PEAK1: variants seen among roughly 807,000 people sequenced by gnomAD.
PEAK1 encodes pseudopodium enriched atypical kinase 1, also known as inactive tyrosine-protein kinase PEAK1.
Under a neutral mutation model 124.7 loss-of-function variants are expected in PEAK1, and 54 were observed. That is an observed-to-expected ratio of 0.43 (90% CI 0.35 to 0.54). PEAK1 has a LOEUF of 0.54. PEAK1 is among the 20% of genes least tolerant of loss of function. The probability of loss-of-function intolerance (pLI) is 0.01; values close to 1 mark genes in which losing one functional copy is unlikely to be tolerated. For synonymous variants in PEAK1, 719 were observed against 760.0 expected, an observed-to-expected ratio of 0.95 and a Z score of 0.89; for missense variants, 2,046 against 2,134.5, an observed-to-expected ratio of 0.96 and a Z score of 0.82.
intron 2 of PEAK1, among the ~76,000 whole-genome samples, chr15:77,294,481 G>C (rs2063383780): frequency 6.6e-6 from 1 of 152,138 alleles, no homozygotes. Context: ...CTGAATTTTT[G>C]TCTAGGCAAA....
rs1217229996 is a variant in PEAK1 at position 77,109,330 on chromosome 15, ATCATCT to A, written c.*4820_*4825del. On this transcript the variant is annotated 3_prime_UTR_variant, in exon 10 of 10. Coordinates refer to ENST00000682557, the MANE Select transcript of PEAK1 (RefSeq NM_001385026.1). ...GGCTTTCTTCATCTTCATCATCATCATCATCTTCTAATATACAAAATGGACTTCTTT... is the reference window on the plus strand; with the variant it reads ...GGCTTTCTTCATCTTCATCATCATCATCTAATATACAAAATGGACTTCTTT... 1.3e-5 allele frequency: 2 copies of A among 152,200 alleles called. No homozygotes were observed. Among genetic ancestry groups the A allele is most frequent in the Non-Finnish European group, 2.9e-5 (2 of 68,040 alleles). The allele number at this position is 152,200 out of a possible 1,614,324, so 9.4% of individuals were successfully genotyped here. A position where few individuals can be genotyped will look rare whatever the true frequency, so the allele number is the denominator to read the frequency against.
intron 6 of PEAK1, among the ~76,000 whole-genome samples, chr15:77,233,240 C>A (rs2059982264): frequency 6.6e-6 from 1 of 152,166 alleles, no homozygotes; most frequent in African/African-American, 2.4e-5. Context: ...TCACTTTCTA[C>A]CTTCCATTTT....
At chr15:77,292,607 G>A (rs2063280651) in intron 2 of PEAK1, among the ~76,000 whole-genome samples, 1 of 152,034 alleles carries the variant, frequency 6.6e-6, no homozygotes, top group Non-Finnish European at 1.5e-5. Context: ...GTATCACCTT[G>A]TCCAACTACA....
chr15:77,271,928 A>G (rs2062057807), intron 5 of PEAK1, among the ~76,000 whole-genome samples: 1 of 152,154 alleles, frequency 6.6e-6, no homozygotes, highest in South Asian at 2.1e-4. Flanking sequence ...CTTAAAGTAT[A>G]ATAATAAAAA....
At chr15:77,334,554 T>C (rs2066079655) in intron 2 of PEAK1, 5 of 985,328 alleles carry the variant, frequency 5.1e-6, no homozygotes, top group Non-Finnish European at 6.0e-6. Context: ...GTTGGTTCTC[T>C]ATACCTCCAT....
chr15:77,356,599 C>A (rs1350700948), intron 2 of PEAK1, among the ~76,000 whole-genome samples: 1 of 152,088 alleles, frequency 6.6e-6, no homozygotes, highest in Non-Finnish European at 1.5e-5. Flanking sequence ...TTAAAAATTG[C>A]AAACACCTGA....
rs2051238382 is a variant in PEAK1, at chr15:77,115,074, T to C, written c.4323A>G (p.Ala1441=). The part of the protein sequence containing the change: ...GKNPKPCSEA[A]SSQKENQGVM... ...CTCCCTGATTCTCTTTCTGGGATGA[T>C]GCTGCTTCAGAACAGGGCTTTGGGT... The change falls in exon 10 of 10, where the codon GCA becomes GCG. Residue 1441 remains alanine (A), a synonymous_variant. Coordinates refer to ENST00000682557, the MANE Select transcript of PEAK1 (RefSeq NM_001385026.1). 3.1e-6 allele frequency: 5 copies of C among 1,614,076 alleles called. No individual in the cohort carries two copies. The highest frequency in any genetic ancestry group is 2.7e-5 in the African/African-American group (2 of 74,922).
At chr15:77,411,615 C>CT (rs796602883) in intron 1 of PEAK1, among the ~76,000 whole-genome samples, 36 of 151,452 alleles carry the variant, frequency 2.4e-4, no homozygotes, top group African/African-American at 8.2e-4. Context: ...TACTTCATAC[C>CT]TTTTTTTTTA....
intron 6 of PEAK1, among the ~76,000 whole-genome samples, chr15:77,227,785 C>A (rs978987480): frequency 6.6e-6 from 1 of 151,956 alleles, no homozygotes; most frequent in Non-Finnish European, 1.5e-5. Context: ...ATAACTTGAT[C>A]CCAGGAGTTC....
At chr15:77,370,774 G>A in intron 1 of PEAK1, 3 of 977,698 alleles carry the variant, frequency 3.1e-6, no homozygotes, top group Non-Finnish European at 3.6e-6. Context: ...ACTCATGCCT[G>A]TAATCTCAAC....
chr15:77,142,607 C>A (rs1379798904), intron 8 of PEAK1, among the ~76,000 whole-genome samples: 2 of 152,114 alleles, frequency 1.3e-5, no homozygotes, highest in Non-Finnish European at 2.9e-5. Context: ...TACACCCATA[C>A]AATTGACTAT....
chr15:77,342,780 G>T (rs1482553176), intron 2 of PEAK1, among the ~76,000 whole-genome samples: 1 of 152,138 alleles, frequency 6.6e-6, no homozygotes, highest in Non-Finnish European at 1.5e-5. Context: ...GTTGTAGCAT[G>T]TAACAGGATT....
At chr15:77,291,793 C>T (rs528719457) in intron 2 of PEAK1, among the ~76,000 whole-genome samples, 4 of 151,996 alleles carry the variant, frequency 2.6e-5, no homozygotes, top group East Asian at 1.9e-4. Context: ...CTGGCTAACA[C>T]GGTGAAACCC....
intron 1 of PEAK1, among the ~76,000 whole-genome samples, chr15:77,410,040 TTTTTG>T (rs1188158895): frequency 2.6e-5 from 4 of 151,734 alleles, no homozygotes; most frequent in Admixed American, 1.3e-4. Flanking sequence ...AATCGTGGTT[TTTTTG>T]TTTTGTTTTG....
At chr15:77,398,811 A>G (rs2071113508) in intron 1 of PEAK1, among the ~76,000 whole-genome samples, 1 of 152,210 alleles carries the variant, frequency 6.6e-6, no homozygotes, top group South Asian at 2.1e-4. Flanking sequence ...ATTGGAAAGA[A>G]AGAAGTCAAA....
rs567875386 is a variant in PEAK1 at position 77,179,717 on chromosome 15, G to C, written c.2210C>G (p.Ala737Gly). 1.2e-6 allele frequency: 2 copies of C among 1,613,996 alleles called. No homozygotes were observed. Among genetic ancestry groups the C allele is most frequent in the Non-Finnish European group, 8.5e-7 (1 of 1,179,984 alleles). Residue 737 changes from alanine (A) to glycine (G), a missense_variant, in exon 7 of 10, where the codon GCC becomes GGC. By Grantham distance (60) the Ala-to-Gly change is moderately conservative. Coordinates refer to ENST00000682557, the MANE Select transcript of PEAK1 (RefSeq NM_001385026.1). ...TATTTTGGCCACAGGCTCTTGAGTG[G>C]CTCTCTGGATCTTTGCTGGGGAGCT... Reference protein sequence around the residue: ...SHSSPAKIQRATQEPVAKIEG... With the variant: ...SHSSPAKIQRGTQEPVAKIEG...
intron 2 of PEAK1, among the ~76,000 whole-genome samples, chr15:77,339,984 A>G (rs2066431904): frequency 6.6e-6 from 1 of 152,222 alleles, no homozygotes; most frequent in African/African-American, 2.4e-5. Context: ...TTCAAAACAC[A>G]ACACCAAATG....
At chr15:77,401,346 T>C (rs1443142895) in intron 1 of PEAK1, among the ~76,000 whole-genome samples, 1 of 152,216 alleles carries the variant, frequency 6.6e-6, no homozygotes, top group Admixed American at 6.5e-5. Context: ...CCTTTCCTGA[T>C]AGATGTCTAA....
chr15:77,295,564 T>C (rs1335912319), intron 2 of PEAK1, among the ~76,000 whole-genome samples: 5 of 152,128 alleles, frequency 3.3e-5, no homozygotes, highest in Non-Finnish European at 7.4e-5. Context: ...TCCATGTAGG[T>C]TACCATGGAA....
Sources: allele counts gnomAD v4.1 joint callset (sites outside exome capture counted in the v4.1 genomes callset), GRCh38; gene constraint gnomAD v4.1.1; transcripts MANE v1.5; gene names NCBI Gene and HGNC (gene_info 2026-07-23, HGNC 2026-07-21).